The following C7orf78 variants were observed in gnomAD, a reference collection of about 807,000 sequenced individuals.
The protein encoded by C7orf78 is chromosome 7 open reading frame 78.
chr7:12,519,996 A>T, the C7orf78 span, among the ~76,000 whole-genome samples: 1 of 152,232 alleles, frequency 6.6e-6, no homozygotes, highest in East Asian at 1.9e-4. Flanking sequence ...TTGGGTCTCC[A>T]GATGAACACC....
the C7orf78 span, among the ~76,000 whole-genome samples, chr7:12,508,472 A>C: frequency 6.6e-6 from 1 of 152,210 alleles, no homozygotes; most frequent in Admixed American, 6.5e-5. Context: ...CCTATTTGAA[A>C]ACATGGTTAT....
At chr7:12,533,860 A>C in the C7orf78 span, among the ~76,000 whole-genome samples, 2 of 152,252 alleles carry the variant, frequency 1.3e-5, no homozygotes, top group African/African-American at 4.8e-5. Flanking sequence ...AAAATCATAG[A>C]TTATTACTGC....
chr7:12,506,234 C>T, the C7orf78 span, among the ~76,000 whole-genome samples: 2 of 152,126 alleles, frequency 1.3e-5, no homozygotes, highest in South Asian at 2.1e-4. Flanking sequence ...GACAGCGTGG[C>T]GATTCCTCAA....
At chr7:12,494,733 G>A in the C7orf78 span, among the ~76,000 whole-genome samples, 1 of 152,160 alleles carries the variant, frequency 6.6e-6, no homozygotes, top group Admixed American at 6.5e-5. Flanking sequence ...CAATAAGCAT[G>A]ACTGTCCTAA....
the C7orf78 span, among the ~76,000 whole-genome samples, chr7:12,525,085 G>C: frequency 6.6e-6 from 1 of 152,070 alleles, no homozygotes; most frequent in Non-Finnish European, 1.5e-5. Context: ...TCTTGTATTA[G>C]AGAATCTCCT....
chr7:12,503,020 G>A, the C7orf78 span, among the ~76,000 whole-genome samples: 3 of 146,680 alleles, frequency 2.0e-5, no homozygotes, highest in South Asian at 6.5e-4. Context: ...ACTCATAGGT[G>A]GGAATTGAAC....
the C7orf78 span, among the ~76,000 whole-genome samples, chr7:12,508,183 C>T: frequency 5.3e-5 from 8 of 152,202 alleles, no homozygotes; most frequent in South Asian, 2.1e-4. Context: ...ACAGGGCATT[C>T]GGTAAAGTCT....
the C7orf78 span, among the ~76,000 whole-genome samples, chr7:12,527,177 G>A: frequency 3.5e-5 from 5 of 142,926 alleles, no homozygotes; most frequent in South Asian, 6.8e-4. Flanking sequence ...GAACATGTCA[G>A]CTTTCCTAGT....
chr7:12,518,161 C>G, the C7orf78 span, among the ~76,000 whole-genome samples: 1 of 152,118 alleles, frequency 6.6e-6, no homozygotes, highest in Non-Finnish European at 1.5e-5. Context: ...CTGTGATTTC[C>G]TCAGTGGCTT....
chr7:12,530,598 A>T, the C7orf78 span: 1 of 152,364 alleles, frequency 6.6e-6, no homozygotes, highest in Non-Finnish European at 1.5e-5. Context: ...CTTTTTTTTC[A>T]GGTTTCTTTG....
the C7orf78 span, among the ~76,000 whole-genome samples, chr7:12,517,673 C>T: frequency 2.0e-5 from 3 of 152,080 alleles, no homozygotes; most frequent in Non-Finnish European, 4.4e-5. Flanking sequence ...ATTGTTGGAG[C>T]TTTCAAATAT....
chr7:12,533,185 TTTG>T, the C7orf78 span, among the ~76,000 whole-genome samples: 3 of 152,042 alleles, frequency 2.0e-5, no homozygotes, highest in Non-Finnish European at 4.4e-5. Flanking sequence ...AAAAGTTTCT[TTTG>T]TTGTTGTTGT....
At chr7:12,528,014 T>C in the C7orf78 span, among the ~76,000 whole-genome samples, 5 of 146,510 alleles carry the variant, frequency 3.4e-5, no homozygotes, top group East Asian at 2.1e-4. Context: ...GAAAATGCCA[T>C]CTAGCTGTGT....
chr7:12,483,689 G>A, the C7orf78 span: 2 of 136,620 alleles, frequency 1.5e-5, no homozygotes, highest in Non-Finnish European at 3.1e-5. Context: ...ACAACATGAT[G>A]AAACCTCGTC....
the C7orf78 span, among the ~76,000 whole-genome samples, chr7:12,532,524 G>A: frequency 6.8e-3 from 1,019 of 150,430 alleles, 4 homozygotes; most frequent in Middle Eastern, 0.014. Flanking sequence ...ACACCAGCCC[G>A]GATGACAGAG....
At chr7:12,523,023 G>GCACAAGAGATAGGGATATTGCAAGACT in the C7orf78 span, 1 of 398,146 alleles carries the variant, frequency 2.5e-6, no homozygotes, top group African/African-American at 2.1e-5. Flanking sequence ...TCTCAGAGAG[G>GCACAAGAGATAGGGATATTGCAAGACT]CACAAGAGAT....
the C7orf78 span, chr7:12,523,073 G>A: frequency 2.5e-6 from 1 of 398,244 alleles, no homozygotes; most frequent in South Asian, 1.3e-4. Flanking sequence ...TTCACGACAG[G>A]ATCTCAACTC....
the C7orf78 span, among the ~76,000 whole-genome samples, chr7:12,487,357 C>T: frequency 1.3e-5 from 2 of 152,052 alleles, no homozygotes; most frequent in African/African-American, 4.8e-5. Context: ...CTGAAATAAA[C>T]TCAAATAAAA....
At chr7:12,493,518 G>C in the C7orf78 span, among the ~76,000 whole-genome samples, 4 of 152,146 alleles carry the variant, frequency 2.6e-5, no homozygotes, top group Admixed American at 2.0e-4. Context: ...GTTTGAGATA[G>C]GGCCTAAGGA....
Sources: allele counts gnomAD v4.1 joint callset (sites outside exome capture counted in the v4.1 genomes callset), GRCh38; gene constraint gnomAD v4.1.1; transcripts MANE v1.5; gene names NCBI Gene and HGNC (gene_info 2026-07-23, HGNC 2026-07-21).